The following TMEM200A variants were observed in gnomAD, a reference collection of about 807,000 sequenced individuals.
TMEM200A encodes transmembrane protein 200A, also known as two transmembrane C.
Under a neutral mutation model 24.3 loss-of-function variants are expected in TMEM200A, and 12 were observed. The observed-to-expected ratio is 0.49, with a 90% CI of 0.32 to 0.80. TMEM200A has a LOEUF of 0.80. Ranked by LOEUF, TMEM200A falls within the 30% of genes least tolerant of loss-of-function variation. The probability of loss-of-function intolerance (pLI) is 0.04; values close to 1 mark genes in which losing one functional copy is unlikely to be tolerated. For missense variants in TMEM200A, 545 were observed against 614.4 expected (o/e 0.89, Z 1.19); for synonymous variants, 224 against 224.4 (o/e 1.00, Z 0.02).
At chr6:130,412,761 A>C (rs935475988) in intron 2 of TMEM200A, among the ~76,000 whole-genome samples, 1 of 152,202 alleles carries the variant, frequency 6.6e-6, no homozygotes. Context: ...CTAGTTTGGA[A>C]GGTTGACTTA....
intron 2 of TMEM200A, among the ~76,000 whole-genome samples, chr6:130,394,291 C>T (rs892978594): frequency 6.4e-4 from 98 of 152,172 alleles, no homozygotes; most frequent in African/African-American, 2.3e-3. Flanking sequence ...TTTATCAAGG[C>T]TTGATGTGAT....
rs2115055642 is a variant in TMEM200A, at chr6:130,366,395, A to G, written c.-210A>G. On this transcript the variant is annotated 5_prime_UTR_variant, in exon 1 of 3. An upstream open reading frame in the 5' UTR loses its in-frame stop. Coordinates refer to ENST00000296978, the MANE Select transcript of TMEM200A (RefSeq NM_001258277.2). This position sits in a 1 kb window ranked among gnomAD's most constrained non-coding sequence, Gnocchi z 4.4. ...CCCGCGGCGGCCGAGATTCCCGCTG[A>G]CGCCCCCGACCCTGCCGCCTTCTTC... 1.0e-6 allele frequency: 1 copy of G among 985,138 alleles called. No homozygotes were observed. Among genetic ancestry groups the G allele is most frequent in the Non-Finnish European group, 1.2e-6 (1 of 830,022 alleles). 61.0% of individuals were successfully genotyped at this position (985,138 alleles called of 1,614,324 possible).
intron 2 of TMEM200A, among the ~76,000 whole-genome samples, chr6:130,422,525 C>T (rs995687207): frequency 2.6e-5 from 4 of 152,132 alleles, no homozygotes; most frequent in African/African-American, 4.8e-5. Flanking sequence ...CCTCGGCCTC[C>T]CAAAGTGCTA....
intron 2 of TMEM200A, among the ~76,000 whole-genome samples, chr6:130,405,365 T>C (rs1456675441): frequency 6.6e-6 from 1 of 152,216 alleles, no homozygotes; most frequent in Non-Finnish European, 1.5e-5. Context: ...TGTAGAGATC[T>C]TTCACCTCCC....
intron 1 of TMEM200A, among the ~76,000 whole-genome samples, chr6:130,381,229 G>A (rs1235020909): frequency 1.3e-5 from 2 of 152,100 alleles, no homozygotes; most frequent in Non-Finnish European, 2.9e-5. Flanking sequence ...CTTAGAAGGG[G>A]AACTTATCAG....
At chr6:130,401,986 T>C (rs983621263) in intron 2 of TMEM200A, among the ~76,000 whole-genome samples, 3 of 151,958 alleles carry the variant, frequency 2.0e-5, no homozygotes, top group Admixed American at 2.0e-4. Flanking sequence ...GCAGTTTCTT[T>C]CTGTTTGCTG....
chr6:130,391,868 G>T (rs1778841529), intron 2 of TMEM200A, among the ~76,000 whole-genome samples: 1 of 149,514 alleles, frequency 6.7e-6, no homozygotes. Context: ...TCAGCCTCCC[G>T]AGTAGCTGGG....
At chr6:130,370,647 GCC>G (rs1778299770) in intron 1 of TMEM200A, among the ~76,000 whole-genome samples, 1 of 152,134 alleles carries the variant, frequency 6.6e-6, no homozygotes, top group Non-Finnish European at 1.5e-5. Context: ...GCAAGGTATA[GCC>G]CAGTGATGAA....
At chr6:130,419,101 C>T (rs1388655705) in intron 2 of TMEM200A, among the ~76,000 whole-genome samples, 3 of 152,148 alleles carry the variant, frequency 2.0e-5, no homozygotes, top group Non-Finnish European at 4.4e-5. Flanking sequence ...CTCTGGAATC[C>T]ACCATCCTAG....
intron 2 of TMEM200A, among the ~76,000 whole-genome samples, chr6:130,398,384 T>C (rs1779002643): frequency 6.6e-6 from 1 of 152,152 alleles, no homozygotes; most frequent in Non-Finnish European, 1.5e-5. Flanking sequence ...GGCAACTAGG[T>C]TGATTCCATG....
At chr6:130,400,166 TGGTTCCAC>T (rs1779050924) in intron 2 of TMEM200A, among the ~76,000 whole-genome samples, 1 of 152,016 alleles carries the variant, frequency 6.6e-6, no homozygotes, top group Non-Finnish European at 1.5e-5. Flanking sequence ...GCATTTGGGT[TGGTTCCAC>T]GATTTTGCAG....
chr6:130,407,492 A>T (rs905483624), intron 2 of TMEM200A, among the ~76,000 whole-genome samples: 4 of 152,252 alleles, frequency 2.6e-5, no homozygotes, highest in Non-Finnish European at 5.9e-5. Context: ...TAGATAATTC[A>T]AAACCAAAAC....
At chr6:130,435,130 G>A (rs1041463258) in intron 2 of TMEM200A, among the ~76,000 whole-genome samples, 1 of 151,632 alleles carries the variant, frequency 6.6e-6, no homozygotes, top group Non-Finnish European at 1.5e-5. Context: ...TTGTCTGCAG[G>A]TATATACATA....
At chr6:130,372,359 A>C (rs1410010920) in intron 1 of TMEM200A, among the ~76,000 whole-genome samples, 1 of 152,218 alleles carries the variant, frequency 6.6e-6, no homozygotes, top group Non-Finnish European at 1.5e-5. Flanking sequence ...TTAATAATCT[A>C]GTAGGTTTTT....
intron 2 of TMEM200A, among the ~76,000 whole-genome samples, chr6:130,398,900 ATTT>A (rs1429766104): frequency 6.6e-6 from 1 of 151,426 alleles, no homozygotes; most frequent in South Asian, 2.1e-4. Context: ...CTCATATCTC[ATTT>A]TTTTCATTGT....
At chr6:130,374,031 A>AAG (rs1562548375) in intron 1 of TMEM200A, among the ~76,000 whole-genome samples, 1 of 151,750 alleles carries the variant, frequency 6.6e-6, no homozygotes, top group Admixed American at 6.6e-5. Context: ...AAATTTACTT[A>AAG]TGTTTCTGAA....
intron 1 of TMEM200A, among the ~76,000 whole-genome samples, chr6:130,367,707 A>T (rs1188493004): frequency 1.3e-5 from 2 of 152,232 alleles, no homozygotes; most frequent in African/African-American, 4.8e-5. Flanking sequence ...TGAAGAATAG[A>T]AGTCCTTCTA....
At chr6:130,432,209 A>C (rs775012830) in intron 2 of TMEM200A, among the ~76,000 whole-genome samples, 10 of 152,198 alleles carry the variant, frequency 6.6e-5, no homozygotes, top group Admixed American at 5.2e-4. Flanking sequence ...GTCCCAATGG[A>C]AACAGAATAG....
rs1202939021 is a variant in TMEM200A at position 130,366,637 on chromosome 6, T to C, written c.-81+113T>C. 3.3e-6 allele frequency: 3 copies of C among 906,812 alleles called. No homozygotes were observed. The African/African-American group carries it at 5.4e-5, about 16-fold the overall frequency. The allele number at this position is 906,812 out of a possible 1,614,324, so 56.2% of individuals were successfully genotyped here. On this transcript the variant is annotated intron_variant, in intron 1 of 2. Coordinates refer to ENST00000296978, the MANE Select transcript of TMEM200A (RefSeq NM_001258277.2). The surrounding 1 kb of genome is among the most constrained non-coding windows in gnomAD (Gnocchi z 4.4). ...CCCTCCCCTCCCCTCCGCTACAGCC[T>C]CCAGAGTTAGGTAAACGCTGTCTCT...
Sources: gnomAD v4.1 joint callset for allele counts (sites outside exome capture counted in the v4.1 genomes callset) on GRCh38, gnomAD v4.1.1 for gene constraint, Gnocchi (gnomAD v3.1) non-coding constraint, MANE v1.5 for transcripts, NCBI Gene and HGNC (gene_info 2026-07-23, HGNC 2026-07-21) for gene names.